PLAC1: variants seen among roughly 807,000 people sequenced by gnomAD.
PLAC1 encodes placenta associated 1, also known as placenta-specific protein 1.
For synonymous variants in PLAC1, 68 were observed against 62.1 expected (o/e 1.09, Z -0.44); for missense variants, 136 against 163.2 (o/e 0.83, Z 0.91).
chrX:134,665,096 A>G (rs868712684), intron 2 of PLAC1, among the ~76,000 whole-genome samples: 3 of 95,668 alleles, frequency 3.1e-5, no homozygotes, highest in East Asian at 3.1e-4. Context: ...GTGTGTGTGT[A>G]TGTGAGTGTG....
chrX:134,703,597 C>A (rs1177252531), intron 2 of PLAC1, among the ~76,000 whole-genome samples: 1 of 110,393 alleles, frequency 9.1e-6, no homozygotes, highest in Non-Finnish European at 1.9e-5. Flanking sequence ...GTTCAAGAAA[C>A]AATGGAGCAA....
At position 134,566,329 on chromosome X, in the gene PLAC1, G is replaced by T; in HGVS notation, c.354C>A (p.Pro118=). The T allele has an allele frequency of 8.3e-7, 1 of 1,211,859 alleles. No individual in the cohort carries two copies. ...GCTTGGTGAGCCATGGGGACTTTTG[G>T]GGGGCAGCACATGACACTGGGATCA... ...KFVIPVSCAA[P]QKSPWLTKPC... Residue 118 remains proline (P), a synonymous_variant, in exon 3 of 3, where the codon CCC becomes CCA. Coordinates refer to ENST00000359237, the MANE Select transcript of PLAC1 (RefSeq NM_021796.4).
chrX:134,663,809 G>T (rs1322399333), intron 2 of PLAC1, among the ~76,000 whole-genome samples: 1 of 112,004 alleles, frequency 8.9e-6, no homozygotes, highest in Non-Finnish European at 1.9e-5. Flanking sequence ...TTGCCATCAA[G>T]GAGCATTCAA....
chrX:134,646,420 C>T (rs2078333814), intron 1 of PLAC1, among the ~76,000 whole-genome samples: 1 of 112,489 alleles, frequency 8.9e-6, no homozygotes, highest in Non-Finnish European at 1.9e-5. Flanking sequence ...GCTAACTTTC[C>T]CTCCTTTTGG....
chrX:134,580,972 T>G (rs993211942), intron 2 of PLAC1, among the ~76,000 whole-genome samples: 1 of 111,975 alleles, frequency 8.9e-6, no homozygotes, highest in African/African-American at 3.2e-5. Flanking sequence ...ACTCACCCAA[T>G]AAATCTTCCT....
chrX:134,636,632 G>A (rs1327897308), intron 1 of PLAC1, among the ~76,000 whole-genome samples: 3 of 112,234 alleles, frequency 2.7e-5, no homozygotes, highest in African/African-American at 9.7e-5. Context: ...CCATGGATAA[G>A]GTGAAACTTA....
At chrX:134,575,909 C>T (rs1425827504) in intron 2 of PLAC1, among the ~76,000 whole-genome samples, 1 of 107,985 alleles carries the variant, frequency 9.3e-6, no homozygotes. Flanking sequence ...TAAAATACAC[C>T]ATATATAATG....
rs58989876 is a variant in PLAC1, at chrX:134,763,824, AAAAGAAAG to A, written n.89+402_89+409del. 8.1e-3 allele frequency among the ~76,000 whole-genome samples: 729 copies of A among 90,483 alleles called. 2 individuals carry two copies. The highest frequency in any genetic ancestry group is 0.013 in the Admixed American group (100 of 7,494). The allele number at this position is 90,483 out of a possible 115,157, so 78.6% of individuals were successfully genotyped here. On this transcript the variant is annotated intron_variant and non_coding_transcript_variant, in intron 1 of 2. Transcript: ENST00000466797. ...CAACAAGAAAGAAACTCCGAAAAAA[AAAAGAAAG>A]AAAGAAAGAAAGAAAGAAAGAAAGA...
chrX:134,615,187 C>T (rs764352708), intron 1 of PLAC1, among the ~76,000 whole-genome samples: 4 of 112,148 alleles, frequency 3.6e-5, no homozygotes, highest in Non-Finnish European at 3.8e-5. Context: ...ATTTACATTC[C>T]CACCAGCAGT....
At chrX:134,630,161 C>T (rs1302184314) in intron 1 of PLAC1, among the ~76,000 whole-genome samples, 1 of 109,601 alleles carries the variant, frequency 9.1e-6, no homozygotes, top group Non-Finnish European at 1.9e-5. Flanking sequence ...AGTAGAGACG[C>T]GGTTTCTCCA....
chrX:134,719,651 G>A (rs1271057109), intron 2 of PLAC1, among the ~76,000 whole-genome samples: 3 of 110,846 alleles, frequency 2.7e-5, no homozygotes, highest in African/African-American at 6.6e-5. Context: ...TTAGCTGGGC[G>A]TGGTGATGGG....
At chrX:134,685,381 T>C (rs2078512903) in intron 2 of PLAC1, among the ~76,000 whole-genome samples, 1 of 109,544 alleles carries the variant, frequency 9.1e-6, no homozygotes, top group Non-Finnish European at 1.9e-5. Context: ...TGGGTCACAG[T>C]CTGTTGAATA....
At chrX:134,745,583 T>A (rs767273595) in intron 1 of PLAC1, among the ~76,000 whole-genome samples, 1 of 112,078 alleles carries the variant, frequency 8.9e-6, no homozygotes, top group East Asian at 2.8e-4. Context: ...AATTGGCCAG[T>A]CCCTGAAAGC....
At chrX:134,577,576 C>G (rs936397368) in intron 2 of PLAC1, among the ~76,000 whole-genome samples, 4 of 111,567 alleles carry the variant, frequency 3.6e-5, no homozygotes, top group African/African-American at 1.3e-4. Flanking sequence ...GTAGTCCCAG[C>G]TACTCTGGAG....
chrX:134,680,434 G>A (rs1278486824), intron 2 of PLAC1, among the ~76,000 whole-genome samples: 1 of 110,980 alleles, frequency 9.0e-6, no homozygotes, highest in African/African-American at 3.3e-5. Flanking sequence ...GTTAAGCAGT[G>A]AATAGAGGGA....
At chrX:134,642,470 C>T (rs780247216) in intron 1 of PLAC1, among the ~76,000 whole-genome samples, 26 of 110,752 alleles carry the variant, frequency 2.3e-4, no homozygotes, top group Non-Finnish European at 4.5e-4. Context: ...GAACCAGACA[C>T]GGTCCCTGCC....
At chrX:134,604,060 G>A (rs1247272658) in intron 1 of PLAC1, among the ~76,000 whole-genome samples, 2 of 112,402 alleles carry the variant, frequency 1.8e-5, no homozygotes, top group Non-Finnish European at 1.9e-5. Flanking sequence ...CTAGAGCTCA[G>A]GGCTCCTCAT....
chrX:134,608,404 A>G (rs1375176699), intron 1 of PLAC1, among the ~76,000 whole-genome samples: 2 of 112,394 alleles, frequency 1.8e-5, no homozygotes, highest in East Asian at 5.6e-4. Flanking sequence ...TGAGAACATT[A>G]TGCTAAGTGA....
intron 2 of PLAC1, among the ~76,000 whole-genome samples, chrX:134,586,068 AG>A (rs764874234): frequency 8.9e-6 from 1 of 112,319 alleles, no homozygotes; most frequent in East Asian, 2.8e-4. Flanking sequence ...ACTGTTGGAA[AG>A]GAAGTTTGTA....
Sources: allele counts gnomAD v4.1 joint callset (sites outside exome capture counted in the v4.1 genomes callset), GRCh38; gene constraint gnomAD v4.1.1; transcripts MANE v1.5; gene names NCBI Gene and HGNC (gene_info 2026-07-23, HGNC 2026-07-21).